Variants in DNAJC28 observed in about 807,000 individuals in gnomAD.
DNAJC28 encodes dnaJ homolog subfamily C member 28.
Under a neutral mutation model 33.3 loss-of-function variants are expected in DNAJC28, and 24 were observed. The ratio of observed to expected loss-of-function variants is 0.72; its 90% CI spans 0.52 to 1.01. The LOEUF is 1.01. Ranked by LOEUF, DNAJC28 falls within the 50% of genes least tolerant of loss-of-function variation. DNAJC28 has a pLI of 0.00. For missense variants in DNAJC28, 442 were observed against 455.2 expected (o/e 0.97, Z 0.26); for synonymous variants, 120 against 147.2 (o/e 0.82, Z 1.34).
intron 1 of DNAJC28, 194 bp downstream of exon 1, chr21:33,491,408 C>G (rs1238189691): frequency 1.3e-5 from 2 of 152,320 alleles, no homozygotes; most frequent in African/African-American, 2.4e-5. Context: ...CTGCCCCGCC[C>G]CCTCCTCACC....
At position 33,488,720 on chromosome 21, in the gene DNAJC28, T is replaced by C. The variant is rs766667364; in HGVS notation, c.674A>G (p.Lys225Arg). ...GDFDNLSGKG[K>R]PLKKFSDCSY... ...ACAGTCAGAAAACTTTTTCAGAGGT[T>C]TTCCTTTCCCACTGAGATTGTCAAA... The change falls in exon 2 of 2, where the codon AAA becomes AGA. Residue 225 changes from lysine to arginine, a missense_variant. Lys to Arg is a conservative substitution (Grantham distance 26). Transcript: ENST00000381947. The C allele has an allele frequency of 6.8e-6, 11 of 1,610,600 alleles. No individual in the cohort carries two copies. The highest frequency in any genetic ancestry group is 5.6e-5 in the South Asian group (5 of 90,074).
Position 33,489,223 on chromosome 21 carries a change from G to C in DNAJC28, c.171C>G (p.Asn57Lys). The change falls in exon 2 of 2, where the codon AAC becomes AAG. Residue 57 changes from asparagine to lysine, a missense_variant. Coordinates refer to ENST00000381947, the MANE Select transcript of DNAJC28 (RefSeq NM_001040192.3). ...CATCTGCAGAGCATCCTTCCTCCAC[G>C]TTCAGCAGTCTATAATATTCTCTGA... Reference protein sequence around the residue: ...KKIREYYRLLNVEEGCSADEV... With the variant: ...KKIREYYRLLKVEEGCSADEV... The C allele has an allele frequency of 6.2e-7, 1 of 1,604,794 alleles. No homozygotes were observed. The highest frequency in any genetic ancestry group is 8.5e-7 in the Non-Finnish European group (1 of 1,177,150).
At chr21:33,490,352 C>T (rs975360710) in intron 1 of DNAJC28, among the ~76,000 whole-genome samples, 2 of 151,428 alleles carry the variant, frequency 1.3e-5, no homozygotes, top group African/African-American at 4.9e-5. Flanking sequence ...TGTGATCTGC[C>T]CGCCTCGACC....
At chr21:33,490,669 G>A (rs1421652230) in intron 1 of DNAJC28, among the ~76,000 whole-genome samples, 1 of 152,032 alleles carries the variant, frequency 6.6e-6, no homozygotes, top group African/African-American at 2.4e-5. Context: ...GCTGAGGCAA[G>A]AGAATCGCTT....
chr21:33,488,268 A>G lies in DNAJC28; in HGVS notation c.1126T>C (p.Trp376Arg). ...TTAATAAATTTCCACAGATTCATCC[A>G]GTTTAAAAAACCTTTCTTGATTTCA... ...TPEIKKGFLN[W>R]MNLWKFIKIR... The change falls in exon 2 of 2, where the codon TGG becomes CGG. Residue 376 changes from tryptophan to arginine, a missense_variant. Trp to Arg is a moderately radical substitution (Grantham distance 101, BLOSUM62 -3). Coordinates refer to ENST00000381947, the MANE Select transcript of DNAJC28 (RefSeq NM_001040192.3). 6.6e-7 allele frequency: 1 copy of G among 1,525,824 alleles called. No homozygotes were observed. The highest frequency in any genetic ancestry group is 2.3e-5 in the East Asian group (1 of 43,516). 94.5% of individuals were successfully genotyped at this position (1,525,824 alleles called of 1,614,324 possible).
At chr21:33,489,724 T>C (rs142094219) in intron 1 of DNAJC28, among the ~76,000 whole-genome samples, 4,991 of 151,562 alleles carry the variant, frequency 0.033, 284 homozygotes, top group African/African-American at 0.12. Flanking sequence ...TATCCTGACA[T>C]GGTTATCTGC....
rs1289264214 is a variant in DNAJC28, at chr21:33,488,278, A to G, written c.1116T>C (p.Gly372=). The G allele has an allele frequency of 3.3e-6, 5 of 1,534,690 alleles. No homozygotes were observed. In the African/African-American group the frequency reaches 7.0e-5, roughly 21 times the overall value. ...TCCACAGATTCATCCAGTTTAAAAA[A>G]CCTTTCTTGATTTCAGGTGTTTTCT... ...EGEKTPEIKK[G]FLNWMNLWKF... The change falls in exon 2 of 2, where the codon GGT becomes GGC. Residue 372 remains glycine (G), a synonymous_variant. Transcript: ENST00000381947.
chr21:33,490,641 G>C (rs535424513), intron 1 of DNAJC28, among the ~76,000 whole-genome samples: 2 of 151,832 alleles, frequency 1.3e-5, no homozygotes, highest in Admixed American at 6.6e-5. Flanking sequence ...GGAGGTTGCA[G>C]TCCCAGCTAC....
rs2145649538 is a variant in DNAJC28 at position 33,489,221 on chromosome 21, A to G, written c.173T>C (p.Val58Ala). 1.2e-6 allele frequency: 2 copies of G among 1,605,636 alleles called. No individual in the cohort carries two copies. Among genetic ancestry groups the G allele is most frequent in the East Asian group, 4.5e-5 (2 of 44,842 alleles). ...KIREYYRLLN[V>A]EEGCSADEVR... ...TTCATCTGCAGAGCATCCTTCCTCC[A>G]CGTTCAGCAGTCTATAATATTCTCT... Residue 58 changes from valine to alanine, a missense_variant, in exon 2 of 2, where the codon GTG (valine) becomes GCG (alanine). Coordinates refer to ENST00000381947, the MANE Select transcript of DNAJC28 (RefSeq NM_001040192.3).
intron 1 of DNAJC28, among the ~76,000 whole-genome samples, chr21:33,489,904 C>T (rs2084506674): frequency 6.6e-6 from 1 of 151,212 alleles, no homozygotes; most frequent in African/African-American, 2.4e-5. Context: ...AGTGATCCTC[C>T]CACCTCTGCC....
At chr21:33,489,597 G>A (rs1295873922) in intron 1 of DNAJC28, among the ~76,000 whole-genome samples, 173 bp from the exon 2 acceptor site, 2 of 141,960 alleles carry the variant, frequency 1.4e-5, no homozygotes, top group Non-Finnish European at 3.0e-5. Context: ...ACAGAGTCTC[G>A]CTCTGTCACC....
Position 33,489,073 on chromosome 21 carries a change from T to A in DNAJC28, c.321A>T (p.Ile107=). The A allele has an allele frequency of 6.2e-7, 1 of 1,613,618 alleles. No individual in the cohort carries two copies. Among genetic ancestry groups the A allele is most frequent in the Non-Finnish European group, 8.5e-7 (1 of 1,179,914 alleles). Residue 107 remains isoleucine (I), a synonymous_variant, in exon 2 of 2, where the codon ATA becomes ATT. Coordinates refer to ENST00000381947, the MANE Select transcript of DNAJC28 (RefSeq NM_001040192.3). ...TACTCTGACTGGCATTTGTTTGTTCTATCACATGGGAGAGCACCTTTCTAT... is the reference window on the plus strand; with the variant it reads ...TACTCTGACTGGCATTTGTTTGTTCAATCACATGGGAGAGCACCTTTCTAT... ...KAYRKVLSHV[I]EQTNASQSKG... is the part of the protein sequence containing the mutation.
At chr21:33,489,622 G>C (rs985795453) in intron 1 of DNAJC28, among the ~76,000 whole-genome samples, 198 bp from the exon 2 acceptor site, 1 of 147,736 alleles carries the variant, frequency 6.8e-6, no homozygotes, top group African/African-American at 2.5e-5. Context: ...CTGGAGTGCA[G>C]TGGTGCCTCC....
Position 33,488,189 on chromosome 21 carries a change from G to A in DNAJC28, c.*38C>T, listed in dbSNP as rs756498209. ...CAATAAATCTCATTTTCCATGTAAAGTGTCAGTGGAACTAAGAATGATTTA... is the reference window on the plus strand; with the variant it reads ...CAATAAATCTCATTTTCCATGTAAAATGTCAGTGGAACTAAGAATGATTTA... On this transcript the variant is annotated 3_prime_UTR_variant, in exon 2 of 2. Coordinates refer to ENST00000381947, the MANE Select transcript of DNAJC28 (RefSeq NM_001040192.3). 8 of 1,398,052 alleles carry A rather than the reference G, an allele frequency of 5.7e-6. No homozygotes were observed. The highest frequency in any genetic ancestry group is 3.1e-5 in the South Asian group (2 of 65,272). 86.6% of individuals were successfully genotyped at this position (1,398,052 alleles called of 1,614,324 possible). A position where few individuals can be genotyped will look rare whatever the true frequency, so the allele number is the denominator to read the frequency against.
chr21:33,488,550 C>G lies in DNAJC28; in HGVS notation c.844G>C (p.Gly282Arg). The change falls in exon 2 of 2, where the codon GGG (glycine) becomes CGG (arginine). Residue 282 changes from glycine (G) to arginine (R), a missense_variant. Coordinates refer to ENST00000381947, the MANE Select transcript of DNAJC28 (RefSeq NM_001040192.3). The stretch of plus-strand genomic sequence containing the variant: ...TTTTCAGTTGGTGTCATTGGATTCC[C>G]AAGTTTTTTCCTAGACACTAAAATT... ...EAILVSRKKL[G>R]NPMTPTEKKQ... 1 of 1,613,148 alleles carries G rather than the reference C, an allele frequency of 6.2e-7. No homozygotes were observed. Among genetic ancestry groups the G allele is most frequent in the Non-Finnish European group, 8.5e-7 (1 of 1,179,824 alleles).
rs1445170763 is a variant in DNAJC28 at position 33,488,661 on chromosome 21, G to A, written c.733C>T (p.Arg245Ter). The A allele has an allele frequency of 2.5e-6, 4 of 1,612,866 alleles. No homozygotes were observed. Among genetic ancestry groups the A allele is most frequent in the Non-Finnish European group, 3.4e-6 (4 of 1,179,734 alleles). Reference sequence around the variant, plus strand: ...TGGTATCCATTATCGATCAGTATTCGGTTCAGGTTGTGAGTCATGGGATCA... The same window carrying A: ...TGGTATCCATTATCGATCAGTATTCAGTTCAGGTTGTGAGTCATGGGATCA... ...YIDPMTHNLNRILIDNGYQPE... is the reference protein window; with the variant it reads ...YIDPMTHNLN Residue 245 changes from arginine (R) to a stop codon, truncating the protein, a stop_gained, in exon 2 of 2, where the codon CGA (arginine) becomes TGA (stop). Coordinates refer to ENST00000381947, the MANE Select transcript of DNAJC28 (RefSeq NM_001040192.3). LOFTEE classifies it high-confidence loss of function.
chr21:33,489,072 C>G lies in DNAJC28; in HGVS notation c.322G>C (p.Glu108Gln). 6.2e-7 allele frequency: 1 copy of G among 1,613,428 alleles called. No individual in the cohort carries two copies. The highest frequency in any genetic ancestry group is 8.5e-7 in the Non-Finnish European group (1 of 1,179,902). Residue 108 changes from glutamate to glutamine, a missense_variant, in exon 2 of 2, where the codon GAA becomes CAA. Transcript: ENST00000381947. ...TTACTCTGACTGGCATTTGTTTGTT[C>G]TATCACATGGGAGAGCACCTTTCTA... ...AYRKVLSHVIEQTNASQSKGE... is the reference protein window; with the variant it reads ...AYRKVLSHVIQQTNASQSKGE...
At chr21:33,489,567 CTT>C (rs769632462) in intron 1 of DNAJC28, 143 bp from the exon 2 acceptor site, 10,786 of 345,432 alleles carry the variant, frequency 0.031, no homozygotes, top group Middle Eastern at 0.047. Context: ...CAACTTTTTC[CTT>C]TTTTTTTTTT....
chr21:33,490,406 C>T (rs940789401), intron 1 of DNAJC28, among the ~76,000 whole-genome samples: 1 of 151,862 alleles, frequency 6.6e-6, no homozygotes, highest in African/African-American at 2.4e-5. Flanking sequence ...CGCACCCAGC[C>T]CCACCAGCTG....
Sources: allele counts gnomAD v4.1 joint callset (sites outside exome capture counted in the v4.1 genomes callset), GRCh38; gene constraint gnomAD v4.1.1; transcripts MANE v1.5; gene names NCBI Gene and HGNC (gene_info 2026-07-23, HGNC 2026-07-21).